The following MALRD1 variants were observed in gnomAD, a reference collection of about 807,000 sequenced individuals.
MALRD1 encodes the protein MAM and LDL receptor class A domain containing 1.
Under a neutral mutation model 242.1 loss-of-function variants are expected in MALRD1, and 247 were observed. That is an observed-to-expected ratio of 1.02 (90% CI 0.92 to 1.13). The LOEUF is 1.13. Among genes scored for constraint, MALRD1 ranks in the 50% most tolerant of loss-of-function variants. The pLI is 0.00. For synonymous variants in MALRD1, 995 were observed against 866.6 expected (o/e 1.15, Z -2.60); for missense variants, 2,989 against 2,533.1 (o/e 1.18, Z -3.86).
intron 36 of MALRD1, among the ~76,000 whole-genome samples, chr10:19,684,642 C>T (rs1842502421): frequency 6.6e-6 from 1 of 152,166 alleles, no homozygotes; most frequent in African/African-American, 2.4e-5. Flanking sequence ...GTCTCAGCTG[C>T]TCAGAAGGCT....
At chr10:19,609,071 G>A (rs2131594926) in intron 35 of MALRD1, among the ~76,000 whole-genome samples, 1 of 152,138 alleles carries the variant, frequency 6.6e-6, no homozygotes, top group East Asian at 1.9e-4. Context: ...AATATAATAT[G>A]TTATAATCTG....
chr10:19,341,985 A>G (rs1843901997), intron 24 of MALRD1, among the ~76,000 whole-genome samples: 1 of 152,058 alleles, frequency 6.6e-6, no homozygotes, highest in African/African-American at 2.4e-5. Context: ...TTTAATTGTT[A>G]TGGCATATAA....
chr10:19,420,000 C>A (rs956940170), intron 28 of MALRD1, among the ~76,000 whole-genome samples: 1 of 152,140 alleles, frequency 6.6e-6, no homozygotes, highest in Non-Finnish European at 1.5e-5. Context: ...AAATAAATGG[C>A]ACTGGAATAT....
At position 19,066,794 on chromosome 10, in the gene MALRD1, G is replaced by C. The variant is rs1391826903; in HGVS notation, c.275G>C (p.Trp92Ser). The C allele has an allele frequency of 1.6e-6, 2 of 1,233,492 alleles. No homozygotes were observed. The highest frequency in any genetic ancestry group is 2.0e-6 in the Non-Finnish European group (2 of 987,972). 76.4% of individuals were successfully genotyped at this position (1,233,492 alleles called of 1,614,324 possible). ...MTQDQSLQPS[W>S]TKRSGMIGLS... The stretch of plus-strand genomic sequence containing the variant: ...CAAGATCAGAGTCTGCAACCTAGTT[G>C]GACAAAGAGAAGTGGGATGATTGGT... The change falls in exon 2 of 40, where the codon TGG (tryptophan) becomes TCG (serine). Residue 92 changes from tryptophan to serine, a missense_variant. Transcript: ENST00000454679.
intron 32 of MALRD1, among the ~76,000 whole-genome samples, chr10:19,540,028 T>A (rs952248768): frequency 6.6e-6 from 1 of 151,998 alleles, no homozygotes; most frequent in Non-Finnish European, 1.5e-5. Context: ...TGTGTTCTGC[T>A]GCTTAAGATG....
chr10:19,388,669 G>T (rs1199978504), intron 27 of MALRD1, among the ~76,000 whole-genome samples: 1 of 152,070 alleles, frequency 6.6e-6, no homozygotes, highest in East Asian at 1.9e-4. Flanking sequence ...AGGGTGTTGG[G>T]CATGGCTCAT....
chr10:19,385,487 A>G (rs777721085), intron 26 of MALRD1, among the ~76,000 whole-genome samples: 9 of 152,050 alleles, frequency 5.9e-5, no homozygotes, highest in Admixed American at 2.6e-4. Flanking sequence ...AGGAATTTCT[A>G]GGAATGTATC....
intron 36 of MALRD1, among the ~76,000 whole-genome samples, chr10:19,682,120 T>A (rs1479952016): frequency 6.6e-6 from 1 of 152,218 alleles, no homozygotes; most frequent in Admixed American, 6.5e-5. Flanking sequence ...TTAGACTTAT[T>A]AGGACAATTC....
intron 26 of MALRD1, among the ~76,000 whole-genome samples, chr10:19,382,409 A>G (rs190311102): frequency 2.0e-5 from 3 of 152,074 alleles, no homozygotes; most frequent in African/African-American, 7.2e-5. Context: ...AGAAATGGAC[A>G]TAGTAAAAGG....
intron 19 of MALRD1, among the ~76,000 whole-genome samples, chr10:19,279,066 A>G (rs917468633): frequency 2.4e-4 from 37 of 152,130 alleles, no homozygotes; most frequent in African/African-American, 7.7e-4. Flanking sequence ...GCAGCGGCCT[A>G]GGCTCCAGAG....
intron 31 of MALRD1, among the ~76,000 whole-genome samples, chr10:19,509,107 A>G (rs1450352658): frequency 1.3e-5 from 2 of 152,314 alleles, no homozygotes; most frequent in African/African-American, 4.8e-5. Context: ...TATATATATT[A>G]ACAAAGTATA....
At chr10:19,576,560 A>G (rs1251276338) in intron 33 of MALRD1, among the ~76,000 whole-genome samples, 1 of 152,206 alleles carries the variant, frequency 6.6e-6, no homozygotes, top group African/African-American at 2.4e-5. Flanking sequence ...GAAAAATGCT[A>G]AGTGGTTAAT....
intron 38 of MALRD1, among the ~76,000 whole-genome samples, chr10:19,693,065 G>C (rs1833180501): frequency 6.6e-6 from 1 of 151,590 alleles, no homozygotes; most frequent in Non-Finnish European, 1.5e-5. Flanking sequence ...GGTATGGATG[G>C]GACATATCTC....
intron 38 of MALRD1, among the ~76,000 whole-genome samples, chr10:19,700,000 G>A (rs1184080320): frequency 6.8e-6 from 1 of 148,074 alleles, no homozygotes; most frequent in Non-Finnish European, 1.5e-5. Flanking sequence ...TGATAGAAGG[G>A]TCCCAAGTGA....
chr10:19,663,899 C>A (rs1470941405), intron 36 of MALRD1, among the ~76,000 whole-genome samples: 2 of 151,994 alleles, frequency 1.3e-5, no homozygotes, highest in African/African-American at 2.4e-5. Flanking sequence ...CTAGACAGAA[C>A]AGGCCTTTTG....
rs537897296 is a variant in MALRD1 at position 19,448,459 on chromosome 10, T to C, written c.4846-1848T>C. Among the ~76,000 whole-genome samples the C allele has an allele frequency of 4.3e-4, 65 of 152,264 alleles. 1 individual carries two copies. Among genetic ancestry groups the C allele is most frequent in the African/African-American group, 1.5e-3 (64 of 41,566 alleles). ...TGTATATTTTTTTCTTTGCCAAATATCCATCATTATGATTTGTTAAATCAT... is the reference window on the plus strand; with the variant it reads ...TGTATATTTTTTTCTTTGCCAAATACCCATCATTATGATTTGTTAAATCAT... On this transcript the variant is annotated intron_variant, in intron 28 of 39. Coordinates refer to ENST00000454679, the MANE Select transcript of MALRD1 (RefSeq NM_001142308.3).
intron 26 of MALRD1, among the ~76,000 whole-genome samples, chr10:19,367,128 ATCC>A (rs1225176702): frequency 1.3e-5 from 2 of 151,976 alleles, no homozygotes; most frequent in Non-Finnish European, 2.9e-5. Flanking sequence ...AACATTCAGT[ATCC>A]TCCTTCTAGC....
intron 26 of MALRD1, among the ~76,000 whole-genome samples, chr10:19,385,456 G>A (rs1473885032): frequency 2.0e-5 from 3 of 151,882 alleles, no homozygotes; most frequent in Non-Finnish European, 2.9e-5. Context: ...TGTTTCTTAT[G>A]ATTCAGTCTT....
At chr10:19,505,133 G>A (rs1421253309) in intron 31 of MALRD1, among the ~76,000 whole-genome samples, 6 of 152,114 alleles carry the variant, frequency 3.9e-5, no homozygotes, top group African/African-American at 1.4e-4. Flanking sequence ...GTAGGAGGAA[G>A]AGGAAAAAGG....
Sources: gnomAD v4.1 joint callset for allele counts (sites outside exome capture counted in the v4.1 genomes callset) on GRCh38, gnomAD v4.1.1 for gene constraint, MANE v1.5 for transcripts, NCBI Gene and HGNC (gene_info 2026-07-23, HGNC 2026-07-21) for gene names.